NTNG2: variants seen among roughly 807,000 people sequenced by gnomAD.
The protein encoded by NTNG2 is netrin-G2.
Under a neutral mutation model 47.6 loss-of-function variants are expected in NTNG2, and 15 were observed. The ratio of observed to expected loss-of-function variants is 0.32; its 90% CI spans 0.21 to 0.49. NTNG2 has a LOEUF of 0.49. Ranked by LOEUF, NTNG2 falls within the 20% of genes least tolerant of loss-of-function variation. NTNG2 has a pLI of 0.99. For synonymous variants in NTNG2, 307 were observed against 324.6 expected (o/e 0.95, Z 0.58); for missense variants, 578 against 764.6 (o/e 0.76, Z 2.88).
upstream of NTNG2, chr9:132,162,031 C>G (rs1835069712): frequency 6.7e-6 from 1 of 149,528 alleles, no homozygotes; most frequent in East Asian, 2.0e-4. This position sits in a 1 kb window ranked among gnomAD's most constrained non-coding sequence, Gnocchi z 4.6. Flanking sequence ...GGCGGCCCCC[C>G]CGGCGGCCGG....
chr9:132,225,847 G>T (rs1178744110), intron 3 of NTNG2, among the ~76,000 whole-genome samples: 2 of 152,276 alleles, frequency 1.3e-5, no homozygotes, highest in Non-Finnish European at 1.5e-5. Flanking sequence ...CTCATCTGTT[G>T]GAAGAAGTGG....
chr9:132,205,734 A>C (rs1367442851), intron 3 of NTNG2, among the ~76,000 whole-genome samples: 3 of 152,030 alleles, frequency 2.0e-5, no homozygotes, highest in Non-Finnish European at 2.9e-5. Context: ...TACAAAAATT[A>C]CCTAGGTGTG....
At chr9:132,174,310 A>AGATG (rs1554779336) in intron 2 of NTNG2, among the ~76,000 whole-genome samples, 2 of 102,960 alleles carry the variant, frequency 1.9e-5, no homozygotes, top group South Asian at 6.6e-4. Flanking sequence ...GCTGCGGATG[A>AGATG]GACGGACGGA....
intron 2 of NTNG2, among the ~76,000 whole-genome samples, chr9:132,192,954 T>C (rs1838010495): frequency 6.6e-6 from 1 of 152,160 alleles, no homozygotes; most frequent in Non-Finnish European, 1.5e-5. Flanking sequence ...GAGTGCCCCA[T>C]AGGTTGGAGC....
intron 2 of NTNG2, among the ~76,000 whole-genome samples, chr9:132,175,692 C>G (rs1381916180): frequency 6.6e-6 from 1 of 152,184 alleles, no homozygotes; most frequent in Non-Finnish European, 1.5e-5. Context: ...CAACTGCTGG[C>G]GGGGGAGGGA....
chr9:132,207,599 T>C (rs1200469880), intron 3 of NTNG2, among the ~76,000 whole-genome samples: 1 of 152,154 alleles, frequency 6.6e-6, no homozygotes, highest in Non-Finnish European at 1.5e-5. Context: ...CCCGTTTCCA[T>C]GTAAGGTCAC....
chr9:132,215,412 C>T lies in NTNG2; in HGVS notation c.858-11437C>T, dbSNP rs1226754453. On this transcript the variant is annotated intron_variant, in intron 3 of 7. Coordinates refer to ENST00000393229, the MANE Select transcript of NTNG2 (RefSeq NM_032536.4). The surrounding 1 kb of genome is among the most constrained non-coding windows in gnomAD (Gnocchi z 4.2). ...CCTGGCCAACGTGGTGAAACCCCAT[C>T]TCTACTAAAATACTAAAATTAGCCG... Among the ~76,000 whole-genome samples the T allele has an allele frequency of 6.6e-6, 1 of 152,044 alleles. No individual in the cohort carries two copies. The highest frequency in any genetic ancestry group is 6.6e-5 in the Admixed American group (1 of 15,264).
chr9:132,204,153 C>T (rs1346447811), intron 3 of NTNG2, among the ~76,000 whole-genome samples: 3 of 152,174 alleles, frequency 2.0e-5, no homozygotes, highest in South Asian at 2.1e-4. Context: ...AGTCCTTGAG[C>T]GAGAGGAAAC....
intron 5 of NTNG2, among the ~76,000 whole-genome samples, chr9:132,237,003 T>C (rs1589562686): frequency 6.6e-6 from 1 of 152,004 alleles, no homozygotes; most frequent in African/African-American, 2.4e-5. Flanking sequence ...GGAGAGGCGG[T>C]GGGGAGAGCA....
chr9:132,167,443 TC>T (rs1190449872), intron 2 of NTNG2, among the ~76,000 whole-genome samples: 1 of 152,220 alleles, frequency 6.6e-6, no homozygotes, highest in Non-Finnish European at 1.5e-5. Context: ...CCTCTGTTCA[TC>T]CTTTCTGTGG....
At chr9:132,188,138 C>A (rs941677869) in intron 2 of NTNG2, among the ~76,000 whole-genome samples, 1 of 152,226 alleles carries the variant, frequency 6.6e-6, no homozygotes, top group Admixed American at 6.5e-5. Context: ...CCTTTCCTTG[C>A]CTTCCCCCAC....
At chr9:132,205,215 G>A (rs1265313379) in intron 3 of NTNG2, among the ~76,000 whole-genome samples, 1 of 152,116 alleles carries the variant, frequency 6.6e-6, no homozygotes, top group South Asian at 2.1e-4. Flanking sequence ...CAACACAACT[G>A]TTCATCAACA....
intron 2 of NTNG2, among the ~76,000 whole-genome samples, chr9:132,170,351 C>G (rs1835816657): frequency 6.6e-6 from 1 of 152,240 alleles, no homozygotes; most frequent in African/African-American, 2.4e-5. Flanking sequence ...GAGCTCTCAA[C>G]AGAGGATTCT....
intron 2 of NTNG2, among the ~76,000 whole-genome samples, chr9:132,169,557 C>T (rs950706103): frequency 3.9e-5 from 6 of 152,252 alleles, no homozygotes; most frequent in Non-Finnish European, 8.8e-5. Flanking sequence ...GCCAACATCA[C>T]TCCGTTGAGA....
In NTNG2 at chr9:132,235,869, G is replaced by A. The variant is rs532859637; in HGVS notation, c.1055-3235G>A. ...GGCCGCAGGAACCAACTGAGGGCAC[G>A]GGTGTAGAATGTCGGTGCCTGGGGA... is the stretch of plus-strand genomic sequence containing the variant. On this transcript the variant is annotated intron_variant, in intron 5 of 7. Coordinates refer to ENST00000393229, the MANE Select transcript of NTNG2 (RefSeq NM_032536.4). Among the ~76,000 whole-genome samples the A allele has an allele frequency of 2.6e-5, 4 of 152,310 alleles. No individual in the cohort carries two copies. In the East Asian group the frequency reaches 5.8e-4, roughly 22 times the overall value.
At chr9:132,189,520 C>A (rs1300366310) in intron 2 of NTNG2, among the ~76,000 whole-genome samples, 2 of 152,140 alleles carry the variant, frequency 1.3e-5, no homozygotes, top group Non-Finnish European at 2.9e-5. Context: ...ATGTTCCTTC[C>A]TCCGGGCATT....
rs762414873 is a variant in NTNG2, at chr9:132,198,322, G to T, written c.570G>T (p.Ala190=). ...CCCGCGACATGTCATCCTCCAGCGC[G>T]CACCGCGTGCTCTGCACCGAGGAGT... is the stretch of plus-strand genomic sequence containing the variant. The part of the protein sequence containing the change: ...RRARDMSSSS[A]HRVLCTEEYS... The change falls in exon 3 of 8, where the codon GCG becomes GCT. Residue 190 remains alanine, a synonymous_variant. Transcript: ENST00000393229. The T allele has an allele frequency of 6.8e-6, 11 of 1,612,684 alleles. No homozygotes were observed. The highest frequency in any genetic ancestry group is 8.5e-6 in the Non-Finnish European group (10 of 1,179,856).
chr9:132,198,955 C>T (rs1044070956), intron 3 of NTNG2, among the ~76,000 whole-genome samples: 1 of 152,018 alleles, frequency 6.6e-6, no homozygotes, highest in Admixed American at 6.5e-5. Flanking sequence ...TTACCTGGTA[C>T]CTGGGACACT....
chr9:132,179,136 C>G (rs938814871), intron 2 of NTNG2, among the ~76,000 whole-genome samples: 5 of 152,182 alleles, frequency 3.3e-5, no homozygotes, highest in African/African-American at 1.2e-4. Flanking sequence ...AGACTGGAGC[C>G]ATGAGGACAG....
Sources: allele counts gnomAD v4.1 joint callset (sites outside exome capture counted in the v4.1 genomes callset), GRCh38; gene constraint gnomAD v4.1.1; non-coding constraint Gnocchi (gnomAD v3.1); transcripts MANE v1.5; gene names NCBI Gene and HGNC (gene_info 2026-07-23, HGNC 2026-07-21).